PDE10A: variants seen among roughly 807,000 people sequenced by gnomAD.
The protein encoded by PDE10A is cAMP and cAMP-inhibited cGMP 3',5'-cyclic phosphodiesterase 10A.
A neutral mutation model predicts 97.7 loss-of-function variants in PDE10A; 39 were observed. The observed-to-expected ratio is 0.40, with a 90% CI of 0.31 to 0.52. The LOEUF is 0.52. Among genes scored for constraint, PDE10A ranks in the 20% least tolerant of loss-of-function variants. The pLI is 0.56. For missense variants in PDE10A, 731 were observed against 1,047.8 expected, an observed-to-expected ratio of 0.70 and a Z score of 4.17; for synonymous variants, 371 against 376.8, an observed-to-expected ratio of 0.98 and a Z score of 0.18.
chr6:165,575,352 G>A (rs16898014), intron 1 of PDE10A, among the ~76,000 whole-genome samples: 27,960 of 151,960 alleles, frequency 0.18, 2,709 homozygotes, highest in African/African-American at 0.23. Context: ...CTAAGCATCC[G>A]GACACAGCAT....
chr6:165,536,920 T>C (rs576412798), intron 2 of PDE10A, among the ~76,000 whole-genome samples: 1 of 152,076 alleles, frequency 6.6e-6, no homozygotes, highest in Non-Finnish European at 1.5e-5. Context: ...AGAGCTACCA[T>C]AAAATGCAGT....
At chr6:165,888,431 G>A (rs777894115) in intron 1 of PDE10A, among the ~76,000 whole-genome samples, 6 of 151,774 alleles carry the variant, frequency 4.0e-5, no homozygotes, top group African/African-American at 9.7e-5. Flanking sequence ...GACTACAAAC[G>A]TGCACCAACA....
rs1027215160 is a variant in PDE10A, at chr6:165,725,040, G to A, written c.-614-181472C>T. 3.9e-5 allele frequency among the ~76,000 whole-genome samples: 6 copies of A among 152,210 alleles called. No homozygotes were observed. In the South Asian group the frequency reaches 6.2e-4, roughly 16 times the overall value. ...CTGTTTTCAGAACGATGTGGACGCCGAGGGAAATTTGGCTGAGGGTGGTCA... is the reference window on the plus strand; with the variant it reads ...CTGTTTTCAGAACGATGTGGACGCCAAGGGAAATTTGGCTGAGGGTGGTCA... On this transcript the variant is annotated intron_variant, in intron 1 of 19. Transcript: ENST00000366882.
At chr6:165,933,988 C>CTTT (rs35582422) in intron 1 of PDE10A, among the ~76,000 whole-genome samples, 39 of 140,302 alleles carry the variant, frequency 2.8e-4, no homozygotes, top group African/African-American at 9.7e-4. Context: ...CATCAATTCC[C>CTTT]TTTTTTTTTT....
chr6:165,763,105 G>T (rs550343892), intron 1 of PDE10A, among the ~76,000 whole-genome samples: 1 of 152,146 alleles, frequency 6.6e-6, no homozygotes, highest in South Asian at 2.1e-4. Flanking sequence ...CAGCTGGAGC[G>T]TTTCCACCAT....
At position 165,592,093 on chromosome 6, in the gene PDE10A, G is replaced by T. The variant is rs139338301; in HGVS notation, c.866-48525C>A. ...ATAGTAACCAAAACAGCATGGTACTGATACCAAAACAGATATATATAGACC... is the reference window on the plus strand; with the variant it reads ...ATAGTAACCAAAACAGCATGGTACTTATACCAAAACAGATATATATAGACC... On this transcript the variant is annotated intron_variant, in intron 1 of 21. Transcript: ENST00000539869. Among the ~76,000 whole-genome samples the T allele has an allele frequency of 4.1e-4, 63 of 152,256 alleles. No individual in the cohort carries two copies. The East Asian group carries it at 0.011, about 27-fold the overall frequency.
intron 1 of PDE10A, among the ~76,000 whole-genome samples, chr6:165,912,544 G>T (rs74758048): frequency 0.051 from 7,755 of 152,252 alleles, 279 homozygotes; most frequent in Middle Eastern, 0.13. Flanking sequence ...TTTGATGGTT[G>T]ATTTTTCAGC....
chr6:165,576,475 C>T lies in PDE10A; in HGVS notation c.866-32907G>A, dbSNP rs201652157. 6.6e-4 allele frequency: 516 copies of T among 780,484 alleles called. 2 individuals are homozygous for T. Among genetic ancestry groups the T allele is most frequent in the Non-Finnish European group, 9.5e-4 (399 of 417,988 alleles). 48.3% of individuals were successfully genotyped at this position (780,484 alleles called of 1,614,324 possible). A position where few individuals can be genotyped will look rare whatever the true frequency, so the allele number is the denominator to read the frequency against. ...CTACATTCTTTTCCTTCAAAGTCTT[C>T]TCTACCCCCATCTCTTCAACTGTAA... On this transcript the variant is annotated intron_variant, in intron 1 of 21. Transcript: ENST00000539869.
intron 1 of PDE10A, among the ~76,000 whole-genome samples, chr6:165,731,514 G>A (rs889010209): frequency 6.6e-6 from 1 of 152,224 alleles, no homozygotes; most frequent in Non-Finnish European, 1.5e-5. Context: ...TGCATCTGCG[G>A]CTGGAGCAGA....
intron 1 of PDE10A, among the ~76,000 whole-genome samples, chr6:165,596,295 C>T (rs1786589592): frequency 6.6e-6 from 1 of 152,250 alleles, no homozygotes; most frequent in African/African-American, 2.4e-5. Flanking sequence ...ACGGCCCCAG[C>T]CACCACCAGC....
intron 1 of PDE10A, among the ~76,000 whole-genome samples, chr6:165,624,276 A>T (rs1217531862): frequency 1.3e-5 from 2 of 151,106 alleles, no homozygotes; most frequent in Admixed American, 6.6e-5. Flanking sequence ...TCCCCACCCA[A>T]CCCATGTACA....
At chr6:165,557,748 T>C (rs1562578826) in intron 1 of PDE10A, among the ~76,000 whole-genome samples, 1 of 152,188 alleles carries the variant, frequency 6.6e-6, no homozygotes, top group Non-Finnish European at 1.5e-5. Flanking sequence ...CTCAATGCAA[T>C]GTAATTCATT....
Position 165,819,445 on chromosome 6 carries a change from C to T in PDE10A, c.-615+168084G>A, listed in dbSNP as rs759034903. On this transcript the variant is annotated intron_variant, in intron 1 of 19. Coordinates refer to the PDE10A transcript ENST00000366882. The surrounding 1 kb of genome is among the most constrained non-coding windows in gnomAD (Gnocchi z 4.2). ...CATTTCATGCAATCCGTCCTCCAGA[C>T]GGCCGCTGGCACCACTCTCCGAGAC... is the stretch of plus-strand genomic sequence containing the variant. 2.0e-5 allele frequency among the ~76,000 whole-genome samples: 3 copies of T among 152,210 alleles called. No homozygotes were observed. Among genetic ancestry groups the T allele is most frequent in the East Asian group, 1.9e-4 (1 of 5,188 alleles).
chr6:165,484,005 C>T (rs908849283), intron 2 of PDE10A, among the ~76,000 whole-genome samples: 5 of 152,222 alleles, frequency 3.3e-5, no homozygotes, highest in Non-Finnish European at 4.4e-5. Context: ...TGATTTCTGG[C>T]TTTTCCCCTT....
intron 1 of PDE10A, chr6:165,939,902 C>G (rs1305422301): frequency 6.6e-6 from 1 of 152,248 alleles, no homozygotes; most frequent in Admixed American, 6.5e-5. Flanking sequence ...CGTGGAGAAT[C>G]CCGCACAACC....
chr6:165,968,397 A>C (rs1005980117), intron 1 of PDE10A, among the ~76,000 whole-genome samples: 1 of 152,222 alleles, frequency 6.6e-6, no homozygotes, highest in Non-Finnish European at 1.5e-5. Context: ...CCATTTTAAA[A>C]CAATGTCACC....
intron 21 of PDE10A, among the ~76,000 whole-genome samples, chr6:165,333,342 G>A (rs1345277241): frequency 6.6e-6 from 1 of 152,144 alleles, no homozygotes; most frequent in Non-Finnish European, 1.5e-5. Context: ...GGGCACCTTG[G>A]TCCATCCGCT....
At chr6:165,910,888 T>C (rs1418136457) in intron 1 of PDE10A, 2 of 152,314 alleles carry the variant, frequency 1.3e-5, no homozygotes, top group African/African-American at 4.8e-5. Context: ...GATCCTGATA[T>C]GCACCGTCAG....
intron 18 of PDE10A, among the ~76,000 whole-genome samples, chr6:165,345,793 C>A (rs1782266391): frequency 6.6e-6 from 1 of 152,178 alleles, no homozygotes; most frequent in Non-Finnish European, 1.5e-5. Context: ...AGACCCTTTT[C>A]TCAGAGTAAT....
Sources: allele counts gnomAD v4.1 joint callset (sites outside exome capture counted in the v4.1 genomes callset), GRCh38; gene constraint gnomAD v4.1.1; non-coding constraint Gnocchi (gnomAD v3.1); transcripts MANE v1.5; gene names NCBI Gene and HGNC (gene_info 2026-07-23, HGNC 2026-07-21).